Variants in CSMD3 observed in about 807,000 individuals in gnomAD.
CSMD3 encodes CUB and Sushi multiple domains 3.
In CSMD3, 177 loss-of-function variants were observed where a neutral mutation model predicts 435.2. The observed-to-expected ratio is 0.41, with a 90% CI of 0.36 to 0.46. CSMD3 has a LOEUF of 0.46. Among genes scored for constraint, CSMD3 ranks in the 20% least tolerant of loss-of-function variants. The pLI, the probability that CSMD3 is intolerant of heterozygous loss-of-function variation, is 0.34. For synonymous variants in CSMD3, 1,656 were observed against 1,520.5 expected (o/e 1.09, Z -2.07); for missense variants, 4,265 against 4,504.6 (o/e 0.95, Z 1.52).
intron 13 of CSMD3, among the ~76,000 whole-genome samples, chr8:112,764,528 G>T (rs1009596899): frequency 1.3e-5 from 2 of 151,332 alleles, no homozygotes; most frequent in East Asian, 3.9e-4. Flanking sequence ...TCATGTTTAG[G>T]CTCAATGGTA....
chr8:113,230,432 G>A (rs1173503534), intron 3 of CSMD3, among the ~76,000 whole-genome samples: 1 of 151,432 alleles, frequency 6.6e-6, no homozygotes, highest in Non-Finnish European at 1.5e-5. Flanking sequence ...TTTTTGTACA[G>A]CTCCAGTGAG....
intron 27 of CSMD3, among the ~76,000 whole-genome samples, chr8:112,519,999 T>C (rs1444209178): frequency 2.0e-5 from 3 of 152,148 alleles, no homozygotes; most frequent in Admixed American, 6.6e-5. Context: ...GTTATCCACC[T>C]ATTATTTTCA....
chr8:112,756,613 C>T (rs1196332680), intron 13 of CSMD3, among the ~76,000 whole-genome samples: 2 of 152,066 alleles, frequency 1.3e-5, no homozygotes, highest in Non-Finnish European at 2.9e-5. Flanking sequence ...AGAAAACAAT[C>T]AGTTAATAAA....
chr8:112,714,104 C>T (rs543981460), intron 13 of CSMD3, among the ~76,000 whole-genome samples: 2 of 152,130 alleles, frequency 1.3e-5, no homozygotes, highest in South Asian at 2.1e-4. Flanking sequence ...AGCTAAATGC[C>T]TCAATTAAAA....
chr8:112,228,922 C>A, intron 69 of CSMD3, 31 bp from the exon 70 acceptor site: 10 of 1,145,148 alleles, frequency 8.7e-6, no homozygotes, highest in Non-Finnish European at 1.3e-5. Context: ...TATAAATACA[C>A]AACTCTTTTA....
intron 22 of CSMD3, among the ~76,000 whole-genome samples, chr8:112,617,360 C>T (rs1198424658): frequency 2.0e-5 from 3 of 152,196 alleles, no homozygotes; most frequent in South Asian, 4.2e-4. Context: ...TGGCCCAGGC[C>T]ATTATTAAAA....
rs3047119 is a variant in CSMD3, at chr8:112,791,319, GAAAAAAAA to G, written c.1972+8835_1972+8842del. On this transcript the variant is annotated intron_variant, in intron 13 of 70. Coordinates refer to ENST00000297405, the MANE Select transcript of CSMD3 (RefSeq NM_198123.2). ...CCTGGGTGACAGAGGCATATCCTGT[GAAAAAAAA>G]AAAAAAAAAAAAAGGAACTAATGTG... Among the ~76,000 whole-genome samples, 434 of 103,178 alleles carry G rather than the reference GAAAAAAAA, an allele frequency of 4.2e-3. 3 individuals are homozygous for G. Among genetic ancestry groups the G allele is most frequent in the Admixed American group, 5.4e-3 (54 of 9,934 alleles). 67.7% of individuals were successfully genotyped at this position (103,178 alleles called of 152,430 possible). A position where few individuals can be genotyped will look rare whatever the true frequency, so the allele number is the denominator to read the frequency against.
chr8:112,743,577 T>A (rs2132066235), intron 13 of CSMD3, among the ~76,000 whole-genome samples: 1 of 152,020 alleles, frequency 6.6e-6, no homozygotes, highest in African/African-American at 2.4e-5. Context: ...AAAAAAATCC[T>A]TTGGGAAATA....
chr8:113,178,258 C>T (rs900852424), intron 3 of CSMD3, among the ~76,000 whole-genome samples: 2 of 151,904 alleles, frequency 1.3e-5, no homozygotes, highest in African/African-American at 4.8e-5. Flanking sequence ...AAAACTGAGA[C>T]TCAGAAAGAT....
chr8:112,933,336 T>C (rs2083177096), intron 9 of CSMD3, among the ~76,000 whole-genome samples: 2 of 152,308 alleles, frequency 1.3e-5, no homozygotes, highest in Non-Finnish European at 1.5e-5. Flanking sequence ...TTCAAATTTT[T>C]TACCAGTTTG....
At chr8:112,852,826 G>A (rs1280653255) in intron 11 of CSMD3, among the ~76,000 whole-genome samples, 2 of 152,012 alleles carry the variant, frequency 1.3e-5, no homozygotes, top group African/African-American at 4.8e-5. Flanking sequence ...GTAGGCTGAG[G>A]CAGGAGAAAG....
intron 10 of CSMD3, among the ~76,000 whole-genome samples, chr8:112,876,017 C>A (rs1027662640): frequency 6.6e-6 from 1 of 152,080 alleles, no homozygotes; most frequent in African/African-American, 2.4e-5. Context: ...AAATTTTCAA[C>A]CTTTTTGCAT....
chr8:112,482,664 G>A (rs978775569), intron 31 of CSMD3, among the ~76,000 whole-genome samples: 2 of 152,146 alleles, frequency 1.3e-5, no homozygotes, highest in African/African-American at 4.8e-5. Context: ...CATAGTTGAT[G>A]TCTTACTGCT....
At chr8:112,631,821 G>A (rs1487389330) in intron 22 of CSMD3, among the ~76,000 whole-genome samples, 3 of 151,800 alleles carry the variant, frequency 2.0e-5, no homozygotes, top group Non-Finnish European at 2.9e-5. Flanking sequence ...GGGTTAAATA[G>A]AACTCATACT....
chr8:112,762,295 T>C (rs1445946436), intron 13 of CSMD3, among the ~76,000 whole-genome samples: 1 of 151,994 alleles, frequency 6.6e-6, no homozygotes, highest in African/African-American at 2.4e-5. Flanking sequence ...TCTTTTACTT[T>C]TCATTGTACA....
At chr8:113,401,591 T>C (rs954545361) in intron 1 of CSMD3, among the ~76,000 whole-genome samples, 1 of 151,652 alleles carries the variant, frequency 6.6e-6, no homozygotes, top group Non-Finnish European at 1.5e-5. Context: ...AAAAATAAAA[T>C]TTCAATCTAT....
chr8:113,183,529 C>T (rs1258202463), intron 3 of CSMD3, among the ~76,000 whole-genome samples: 1 of 151,868 alleles, frequency 6.6e-6, no homozygotes, highest in Non-Finnish European at 1.5e-5. Flanking sequence ...TGATCTTTGG[C>T]CCCAAGGCTG....
intron 2 of CSMD3, among the ~76,000 whole-genome samples, chr8:113,300,162 C>A (rs201650311): frequency 0.013 from 1,516 of 116,058 alleles, no homozygotes; most frequent in Non-Finnish European, 0.016. Context: ...TCAAAAAAGT[C>A]AAAAAAAAAA....
intron 59 of CSMD3, among the ~76,000 whole-genome samples, chr8:112,267,443 T>G (rs1222556480): frequency 1.3e-5 from 2 of 152,152 alleles, no homozygotes; most frequent in African/African-American, 2.4e-5. Context: ...ATAATTCTAC[T>G]CATGTACCGA....
Sources: allele counts gnomAD v4.1 joint callset (sites outside exome capture counted in the v4.1 genomes callset), GRCh38; gene constraint gnomAD v4.1.1; transcripts MANE v1.5; gene names NCBI Gene and HGNC (gene_info 2026-07-23, HGNC 2026-07-21).